GUCY1A2: variants seen among roughly 807,000 people sequenced by gnomAD.
The protein encoded by GUCY1A2 is guanylate cyclase 1 soluble subunit alpha 2.
GUCY1A2 carries 27 observed loss-of-function variants against 63.5 expected under a neutral mutation model. The ratio of observed to expected loss-of-function variants is 0.43; its 90% CI spans 0.31 to 0.59. GUCY1A2 has a LOEUF of 0.59. Ranked by LOEUF, GUCY1A2 falls within the 20% of genes least tolerant of loss-of-function variation. The probability of loss-of-function intolerance (pLI) is 0.11; values close to 1 mark genes in which losing one functional copy is unlikely to be tolerated. For missense variants in GUCY1A2, 768 were observed against 913.3 expected (o/e 0.84, Z 2.05); for synonymous variants, 364 against 343.5 (o/e 1.06, Z -0.66).
intron 4 of GUCY1A2, among the ~76,000 whole-genome samples, chr11:106,891,334 A>C (rs1024137725): frequency 3.3e-5 from 5 of 151,986 alleles, no homozygotes; most frequent in African/African-American, 1.2e-4. Context: ...TTCTTTATGT[A>C]CTCTAGATAC....
intron 1 of GUCY1A2, among the ~76,000 whole-genome samples, chr11:107,016,682 G>C (rs777742852): frequency 7.2e-5 from 11 of 152,216 alleles, no homozygotes; most frequent in Non-Finnish European, 1.3e-4. Flanking sequence ...ATTGAAGAGA[G>C]AGTAAAGGAT....
intron 5 of GUCY1A2, among the ~76,000 whole-genome samples, chr11:106,797,149 CA>C (rs1316556048): frequency 6.6e-6 from 1 of 152,128 alleles, no homozygotes; most frequent in Non-Finnish European, 1.5e-5. Context: ...GACTTCTCTA[CA>C]ATGGTTATTC....
chr11:106,821,074 G>A (rs1335565976), intron 4 of GUCY1A2, among the ~76,000 whole-genome samples: 1 of 151,954 alleles, frequency 6.6e-6, no homozygotes, highest in Admixed American at 6.6e-5. Flanking sequence ...TCAATTTAAT[G>A]TTCCATGATT....
At chr11:106,962,057 G>C (rs1861064882) in intron 3 of GUCY1A2, among the ~76,000 whole-genome samples, 1 of 152,150 alleles carries the variant, frequency 6.6e-6, no homozygotes, top group African/African-American at 2.4e-5. Flanking sequence ...CCTATGTGGA[G>C]ATACCAAGAT....
chr11:106,838,943 G>T (rs1859155140), intron 4 of GUCY1A2, among the ~76,000 whole-genome samples: 1 of 151,836 alleles, frequency 6.6e-6, no homozygotes, highest in South Asian at 2.1e-4. Context: ...TCACTCTGAT[G>T]GTAGTTTCTT....
At chr11:106,778,925 G>A (rs562715231) in intron 5 of GUCY1A2, among the ~76,000 whole-genome samples, 1 of 136,188 alleles carries the variant, frequency 7.3e-6, no homozygotes, top group Non-Finnish European at 1.6e-5. Flanking sequence ...TGATGGAGAT[G>A]CTTCCAGCAT....
intron 6 of GUCY1A2, among the ~76,000 whole-genome samples, chr11:106,744,457 A>C (rs1420695060): frequency 6.6e-6 from 1 of 151,978 alleles, no homozygotes; most frequent in African/African-American, 2.4e-5. Flanking sequence ...ATGTTACATA[A>C]ATGCTTTTTA....
At chr11:106,719,437 G>C (rs1863275274) in intron 6 of GUCY1A2, among the ~76,000 whole-genome samples, 1 of 152,058 alleles carries the variant, frequency 6.6e-6, no homozygotes, top group Non-Finnish European at 1.5e-5. Flanking sequence ...GTGTTTATCA[G>C]TTATTAATTC....
intron 4 of GUCY1A2, among the ~76,000 whole-genome samples, chr11:106,871,105 G>A (rs1451556101): frequency 6.6e-6 from 1 of 152,148 alleles, no homozygotes; most frequent in Non-Finnish European, 1.5e-5. Context: ...AGTGGAGTAA[G>A]TGAGCATCTG....
chr11:106,984,286 G>A (rs751031446), intron 2 of GUCY1A2, among the ~76,000 whole-genome samples: 4 of 152,116 alleles, frequency 2.6e-5, no homozygotes, highest in Non-Finnish European at 5.9e-5. Context: ...CTTTATACTG[G>A]AGTCAAACTC....
intron 1 of GUCY1A2, among the ~76,000 whole-genome samples, chr11:107,017,373 G>C (rs1415810427): frequency 1.3e-5 from 2 of 152,178 alleles, no homozygotes; most frequent in African/African-American, 4.8e-5. Flanking sequence ...ATGAAAGACA[G>C]GGAAGCTGAA....
At chr11:106,867,815 G>A (rs1029767888) in intron 4 of GUCY1A2, among the ~76,000 whole-genome samples, 1 of 151,960 alleles carries the variant, frequency 6.6e-6, no homozygotes, top group East Asian at 1.9e-4. Flanking sequence ...AGAAAAAAGA[G>A]GAATGGAACA....
At chr11:106,805,458 C>G (rs994194088) in intron 5 of GUCY1A2, among the ~76,000 whole-genome samples, 1 of 152,088 alleles carries the variant, frequency 6.6e-6, no homozygotes. Flanking sequence ...GTTGGCCAGG[C>G]TGGTCTCGAA....
intron 3 of GUCY1A2, among the ~76,000 whole-genome samples, chr11:106,941,925 T>C (rs970314193): frequency 2.0e-5 from 3 of 152,196 alleles, no homozygotes; most frequent in African/African-American, 4.8e-5. Context: ...TCAAGACTTG[T>C]TGAGAAAGTC....
Position 106,680,089 on chromosome 11 carries a change from A to C in GUCY1A2, c.*7460T>G. ...CTTTAAGAGTCTCTACATCTTCCTG[A>C]ATAAAAAACTAACTCTCTTTGCTTC... On this transcript the variant is annotated 3_prime_UTR_variant, in exon 8 of 8. Coordinates refer to ENST00000526355, the MANE Select transcript of GUCY1A2 (RefSeq NM_000855.3). 4.6e-6 allele frequency: 1 copy of C among 215,582 alleles called. No individual in the cohort carries two copies. Among genetic ancestry groups the C allele is most frequent in the Non-Finnish European group, 9.3e-6 (1 of 106,976 alleles). The allele number at this position is 215,582 out of a possible 1,614,324, so 13.4% of individuals were successfully genotyped here. A position where few individuals can be genotyped will look rare whatever the true frequency, so the allele number is the denominator to read the frequency against.
intron 4 of GUCY1A2, among the ~76,000 whole-genome samples, chr11:106,894,875 A>T (rs1860024564): frequency 6.6e-6 from 1 of 152,090 alleles, no homozygotes; most frequent in African/African-American, 2.4e-5. Flanking sequence ...ATTAAATCCA[A>T]AGTCGGCCTG....
rs182261383 is a variant in GUCY1A2, at chr11:106,745,118, T to C, written c.1836+31321A>G. ...ACAAAGTACAGAAAAAAGGAAAGGA[T>C]TGAACGATTTGCCATGGTTTATCCT... is the stretch of plus-strand genomic sequence containing the variant. On this transcript the variant is annotated intron_variant, in intron 6 of 7. Coordinates refer to ENST00000526355, the MANE Select transcript of GUCY1A2 (RefSeq NM_000855.3). Among the ~76,000 whole-genome samples the C allele has an allele frequency of 4.8e-4, 73 of 152,312 alleles. No homozygotes were observed. In the East Asian group the frequency reaches 0.013, roughly 27 times the overall value.
At chr11:106,799,156 A>G (rs1020283749) in intron 5 of GUCY1A2, among the ~76,000 whole-genome samples, 12 of 152,196 alleles carry the variant, frequency 7.9e-5, no homozygotes, top group Admixed American at 2.6e-4. Flanking sequence ...ACTGCTTCAA[A>G]GAGAATAAAA....
At chr11:106,760,730 A>C (rs1480545797) in intron 6 of GUCY1A2, among the ~76,000 whole-genome samples, 2 of 152,136 alleles carry the variant, frequency 1.3e-5, no homozygotes, top group Admixed American at 1.3e-4. Context: ...GTACACATTT[A>C]TTGTTTTTTC....
Sources: gnomAD v4.1 joint callset for allele counts (sites outside exome capture counted in the v4.1 genomes callset) on GRCh38, gnomAD v4.1.1 for gene constraint, MANE v1.5 for transcripts, NCBI Gene and HGNC (gene_info 2026-07-23, HGNC 2026-07-21) for gene names.